NDE1: variants seen among roughly 807,000 people sequenced by gnomAD.
NDE1 encodes nuclear distribution protein nudE homolog 1.
In NDE1, 28 loss-of-function variants were observed where a neutral mutation model predicts 43.4. The observed-to-expected ratio is 0.65, with a 90% CI of 0.48 to 0.89. The LOEUF (loss-of-function observed/expected upper bound fraction) is 0.89. NDE1 is among the 40% of genes least tolerant of loss of function. The pLI is 0.00. For synonymous variants in NDE1, 184 were observed against 172.0 expected, an observed-to-expected ratio of 1.07 and a Z score of -0.55; for missense variants, 441 against 434.1, an observed-to-expected ratio of 1.02 and a Z score of -0.14.
chr16:15,720,850 G>A lies in NDE1; in HGVS notation c.948-3341G>A, dbSNP rs1456391577. 7 of 1,613,670 alleles carry A rather than the reference G, an allele frequency of 4.3e-6. No individual in the cohort carries two copies. Among genetic ancestry groups the A allele is most frequent in the Middle Eastern group, 3.5e-4 (2 of 5,772 alleles). On this transcript the variant is annotated intron_variant, in intron 8 of 8. Transcript: ENST00000396354. The stretch of plus-strand genomic sequence containing the variant: ...CCGGCAGCACGCACCTGTCTCTGCA[G>A]TTGCCTCCTCTTCTCCTCATTCTGC...
chr16:15,656,687 T>C (rs1217199034), intron 1 of NDE1, among the ~76,000 whole-genome samples: 1 of 152,040 alleles, frequency 6.6e-6, no homozygotes, highest in Non-Finnish European at 1.5e-5. Context: ...ATTACAGGCA[T>C]GTGCCACCAT....
chr16:15,648,351 G>A (rs530768896), upstream of NDE1, among the ~76,000 whole-genome samples: 23 of 151,906 alleles, frequency 1.5e-4, no homozygotes, highest in Admixed American at 3.3e-4. Context: ...CAGAATGTTC[G>A]GTATTTGTTA....
At chr16:15,721,734 G>C in intron 8 of NDE1, 1 of 1,257,448 alleles carries the variant, frequency 8.0e-7, no homozygotes, top group African/African-American at 1.5e-5. Context: ...TGAATGTATT[G>C]AGGTGCAGGT....
upstream of NDE1, among the ~76,000 whole-genome samples, chr16:15,649,868 G>C (rs148782632): frequency 7.9e-3 from 1,209 of 152,350 alleles, 20 homozygotes; most frequent in African/African-American, 0.028. Context: ...CTTTCCTTCT[G>C]ATTTGGAGAA....
intron 8 of NDE1, chr16:15,718,258 A>C (rs1199568816): frequency 1.2e-6 from 2 of 1,603,246 alleles, no homozygotes; most frequent in African/African-American, 2.7e-5. Context: ...CTGGTGCAGG[A>C]TCCTGCTGCA....
rs750625960 is a variant in NDE1, at chr16:15,667,312, G to A, written c.110G>A (p.Arg37Gln). Residue 37 changes from arginine to glutamine, a missense_variant, in exon 3 of 9, where the codon CGA (arginine) becomes CAA (glutamine). Coordinates refer to ENST00000396354, the MANE Select transcript of NDE1 (RefSeq NM_017668.3). The part of the protein sequence containing the change: ...QRAENTQEEL[R>Q]EFQEGSREYE... The stretch of plus-strand genomic sequence containing the variant: ...GCAGAAAATACGCAAGAGGAACTCC[G>A]AGAATTCCAGGAGGGAAGCCGAGAA... 3.1e-6 allele frequency: 5 copies of A among 1,614,038 alleles called. No homozygotes were observed. Among genetic ancestry groups the A allele is most frequent in the Middle Eastern group, 1.6e-4 (1 of 6,084 alleles).
chr16:15,677,841 T>TCTCA lies in NDE1; in HGVS notation c.279_282dup (p.Ala95LeufsTer6). 1 of 1,614,144 alleles carries TCTCA rather than the reference T, an allele frequency of 6.2e-7. No individual in the cohort carries two copies. Among genetic ancestry groups the TCTCA allele is most frequent in the Non-Finnish European group, 8.5e-7 (1 of 1,180,024 alleles). On this transcript the variant is annotated frameshift_variant, in exon 4 of 9. Coordinates refer to ENST00000396354, the MANE Select transcript of NDE1 (RefSeq NM_017668.3). LOFTEE classifies it high-confidence loss of function. ...CAGCACTCTGAAGGCTACCGGCAGA[T>TCTCA]CTCAGCCTTGGAGGATGACCTCGCG...
intron 8 of NDE1, chr16:15,720,296 G>T (rs376105806): frequency 6.2e-7 from 1 of 1,613,992 alleles, no homozygotes; most frequent in South Asian, 1.1e-5. Context: ...TTCCAGTTCC[G>T]TCTCATACTC....
intron 2 of NDE1, among the ~76,000 whole-genome samples, chr16:15,666,594 G>C (rs925250706): frequency 1.3e-5 from 2 of 152,112 alleles, no homozygotes; most frequent in Non-Finnish European, 1.5e-5. Flanking sequence ...GGGTGACAGA[G>C]CAAGACTCTA....
At chr16:15,720,807 C>G (rs921980128) in intron 8 of NDE1, 20 of 1,606,828 alleles carry the variant, frequency 1.2e-5, no homozygotes, top group Non-Finnish European at 1.7e-5. Context: ...GCCACCCGAC[C>G]TCCCTCTGCT....
At chr16:15,723,600 C>G (rs1345222677) in intron 8 of NDE1, among the ~76,000 whole-genome samples, 1 of 152,180 alleles carries the variant, frequency 6.6e-6, no homozygotes, top group Non-Finnish European at 1.5e-5. Context: ...GAGCTGAGAT[C>G]ACACCACTGC....
chr16:15,724,510 G>T lies in NDE1; in HGVS notation c.*259G>T, dbSNP rs886051742. ...GAAGCGAAGACCATGTCTCCTCGTT[G>T]GAGAAACCCAATAGCAGGGGAAGCT... On this transcript the variant is annotated 3_prime_UTR_variant, in exon 9 of 9. Transcript: ENST00000396354. The T allele has an allele frequency of 7.3e-5, 118 of 1,607,512 alleles. No homozygotes were observed. Among genetic ancestry groups the T allele is most frequent in the Non-Finnish European group, 1.5e-5 (18 of 1,177,448 alleles).
upstream of NDE1, among the ~76,000 whole-genome samples, chr16:15,647,376 G>C (rs2036351548): frequency 6.6e-6 from 1 of 152,182 alleles, no homozygotes; most frequent in Non-Finnish European, 1.5e-5. Context: ...TCTGAAGCCT[G>C]ATTTGTTAAT....
Position 15,709,807 on chromosome 16 carries a change from A to G in NDE1, c.947+12947A>G, listed in dbSNP as rs561367890. 1.4e-4 allele frequency among the ~76,000 whole-genome samples: 22 copies of G among 152,308 alleles called. 1 individual carries two copies. The South Asian group carries it at 4.6e-3, about 32-fold the overall frequency. ...GCAGCCGCCTGTCCCTTGGTTTATG[A>G]TTACTTGCTCTTCATTAGCTTTCGG... On this transcript the variant is annotated intron_variant, in intron 8 of 8. Transcript: ENST00000396354.
At chr16:15,660,280 CCAG>C (rs2036978390) in intron 1 of NDE1, among the ~76,000 whole-genome samples, 1 of 151,652 alleles carries the variant, frequency 6.6e-6, no homozygotes, top group Non-Finnish European at 1.5e-5. Flanking sequence ...GAATTTGAGA[CCAG>C]CCTAGGCAAC....
rs143989666 is a variant in NDE1, at chr16:15,696,813, C to T, written c.900C>T (p.Gly300=). 5.1e-5 allele frequency: 82 copies of T among 1,614,146 alleles called. No homozygotes were observed. The African/African-American group carries it at 5.9e-4, about 12-fold the overall frequency. Residue 300 remains glycine, a synonymous_variant, in exon 8 of 9, where the codon GGC becomes GGT. Coordinates refer to ENST00000396354, the MANE Select transcript of NDE1 (RefSeq NM_017668.3). ...ASGRSSKNRD[G]GERRPSSTSV... ...GGCGGAGCAGCAAGAACAGAGATGG[C>T]GGGGAGAGACGGCCAAGCAGCACCA...
chr16:15,665,216 G>A (rs1246385045), intron 2 of NDE1, among the ~76,000 whole-genome samples: 2 of 151,954 alleles, frequency 1.3e-5, no homozygotes, highest in African/African-American at 4.8e-5. Flanking sequence ...TTTATTGCAG[G>A]CCTATATGTG....
chr16:15,693,530 T>C (rs1596629094), intron 6 of NDE1, among the ~76,000 whole-genome samples: 1 of 152,182 alleles, frequency 6.6e-6, no homozygotes, highest in Non-Finnish European at 1.5e-5. Context: ...CTGGGCACGG[T>C]GGCTCATGCC....
At chr16:15,691,959 C>A (rs2038775766) in intron 6 of NDE1, among the ~76,000 whole-genome samples, 1 of 151,982 alleles carries the variant, frequency 6.6e-6, no homozygotes, top group African/African-American at 2.4e-5. Flanking sequence ...TATAAAACCT[C>A]CCAAATTTGA....
Sources: gnomAD v4.1 joint callset for allele counts (sites outside exome capture counted in the v4.1 genomes callset) on GRCh38, gnomAD v4.1.1 for gene constraint, MANE v1.5 for transcripts, NCBI Gene and HGNC (gene_info 2026-07-23, HGNC 2026-07-21) for gene names.